DTNA: variants seen among roughly 807,000 people sequenced by gnomAD.
DTNA encodes the protein dystrobrevin alpha.
Under a neutral mutation model 100.7 loss-of-function variants are expected in DTNA, and 43 were observed. The ratio of observed to expected loss-of-function variants is 0.43; its 90% CI spans 0.33 to 0.55. DTNA has a LOEUF of 0.55. Among genes scored for constraint, DTNA ranks in the 20% least tolerant of loss-of-function variants. The pLI, the probability that DTNA is intolerant of heterozygous loss-of-function variation, is 0.04. For synonymous variants in DTNA, 349 were observed against 347.9 expected (o/e 1.00, Z -0.04); for missense variants, 798 against 953.9 (o/e 0.84, Z 2.15).
intron 1 of DTNA, among the ~76,000 whole-genome samples, chr18:34,751,449 A>G (rs903666886): frequency 6.6e-6 from 1 of 151,168 alleles, no homozygotes; most frequent in African/African-American, 2.4e-5. Flanking sequence ...GATGGCATCT[A>G]GCGTCGATTG....
At chr18:34,584,530 C>T (rs2048937082) in intron 1 of DTNA, among the ~76,000 whole-genome samples, 1 of 152,068 alleles carries the variant, frequency 6.6e-6, no homozygotes, top group Non-Finnish European at 1.5e-5. Context: ...AGATGAGAGA[C>T]TCTTCTAGAG....
intron 1 of DTNA, among the ~76,000 whole-genome samples, chr18:34,731,489 A>G (rs1213995981): frequency 6.6e-6 from 1 of 152,130 alleles, no homozygotes; most frequent in Non-Finnish European, 1.5e-5. Context: ...CCGTCTCAAA[A>G]AAAAAAAAAA....
In DTNA at chr18:34,889,136, T is replaced by TAA. The variant is rs35125248; in HGVS notation, c.*1407_*1408dup. 2.0e-6 allele frequency: 2 copies of TAA among 985,160 alleles called. No homozygotes were observed. The highest frequency in any genetic ancestry group is 1.7e-5 in the African/African-American group (1 of 57,152). The allele number at this position is 985,160 out of a possible 1,614,324, so 61.0% of individuals were successfully genotyped here. ...TACTTGCTTCAAGATTTGATTTTTTTAAAAAAGCCTGCGACCTATTCAATA... is the reference window on the plus strand; with the variant it reads ...TACTTGCTTCAAGATTTGATTTTTTTAAAAAAAAGCCTGCGACCTATTCAATA... On this transcript the variant is annotated 3_prime_UTR_variant, in exon 23 of 23. Transcript: ENST00000444659.
chr18:34,776,165 A>G (rs1214847664), intron 3 of DTNA, among the ~76,000 whole-genome samples: 1 of 152,198 alleles, frequency 6.6e-6, no homozygotes, highest in African/African-American at 2.4e-5. Flanking sequence ...TCCCTTATCA[A>G]GTTCCAAGTC....
intron 9 of DTNA, among the ~76,000 whole-genome samples, chr18:34,827,343 C>T (rs1420109438): frequency 6.6e-6 from 1 of 152,182 alleles, no homozygotes; most frequent in Non-Finnish European, 1.5e-5. Flanking sequence ...AGGCTCAAAG[C>T]TCATGCATCA....
chr18:34,631,060 G>T (rs2058021452), intron 1 of DTNA, among the ~76,000 whole-genome samples: 1 of 152,120 alleles, frequency 6.6e-6, no homozygotes, highest in South Asian at 2.1e-4. Context: ...AAATGAAAAT[G>T]ATTTAAACAA....
At chr18:34,830,051 G>C (rs1236828453) in intron 11 of DTNA, among the ~76,000 whole-genome samples, 1 of 152,114 alleles carries the variant, frequency 6.6e-6, no homozygotes, top group African/African-American at 2.4e-5. Flanking sequence ...TGATAATGCT[G>C]GTGGTGAATC....
intron 1 of DTNA, among the ~76,000 whole-genome samples, chr18:34,518,101 A>T (rs936026853): frequency 6.6e-6 from 1 of 152,156 alleles, no homozygotes; most frequent in Non-Finnish European, 1.5e-5. Flanking sequence ...TAATGTTAAC[A>T]CTATGTTTTA....
intron 1 of DTNA, among the ~76,000 whole-genome samples, chr18:34,685,654 G>T (rs1363391833): frequency 6.6e-6 from 1 of 152,148 alleles, no homozygotes; most frequent in Non-Finnish European, 1.5e-5. Flanking sequence ...ACTGAAAGTA[G>T]TTTTTTCTAA....
chr18:34,778,672 A>G (rs1760314250), intron 3 of DTNA, among the ~76,000 whole-genome samples: 1 of 152,228 alleles, frequency 6.6e-6, no homozygotes, highest in African/African-American at 2.4e-5. Flanking sequence ...ATAGACTAAA[A>G]TGGCTAAAAG....
intron 1 of DTNA, among the ~76,000 whole-genome samples, chr18:34,697,328 A>G (rs55971592): frequency 0.082 from 12,467 of 152,240 alleles, 679 homozygotes; most frequent in Non-Finnish European, 0.12. Flanking sequence ...TCCTCAAGCC[A>G]ACTCCTGTGA....
chr18:34,746,141 G>A (rs1422522861), intron 1 of DTNA, among the ~76,000 whole-genome samples: 1 of 149,594 alleles, frequency 6.7e-6, no homozygotes, highest in Non-Finnish European at 1.5e-5. Context: ...AAAATTCAAG[G>A]TTGTCTTATT....
chr18:34,626,449 T>TAAA (rs200011734), intron 1 of DTNA, among the ~76,000 whole-genome samples: 11 of 147,488 alleles, frequency 7.5e-5, no homozygotes, highest in Non-Finnish European at 1.2e-4. Flanking sequence ...GTCCTGAAGT[T>TAAA]AAAAAAAAAA....
At chr18:34,662,123 G>A (rs966410232) in intron 1 of DTNA, among the ~76,000 whole-genome samples, 7 of 148,412 alleles carry the variant, frequency 4.7e-5, no homozygotes, top group Non-Finnish European at 1.0e-4. Flanking sequence ...TTGTTGTTAA[G>A]AACCGGTTGT....
At chr18:34,727,120 G>T (rs2086889453) in intron 1 of DTNA, among the ~76,000 whole-genome samples, 1 of 152,186 alleles carries the variant, frequency 6.6e-6, no homozygotes, top group Admixed American at 6.5e-5. Flanking sequence ...TTAAGCAAAG[G>T]CTGGAGCCCT....
chr18:34,822,432 C>A (rs1465643625), intron 9 of DTNA: 1 of 152,242 alleles, frequency 6.6e-6, no homozygotes, highest in African/African-American at 2.4e-5. Flanking sequence ...AAGAGAGCAG[C>A]CTTCAACAGA....
chr18:34,676,681 A>G lies in DTNA; in HGVS notation c.-1-79295A>G, dbSNP rs141757384. Among the ~76,000 whole-genome samples, 457 of 152,254 alleles carry G rather than the reference A, an allele frequency of 3.0e-3. 2 individuals are homozygous for G. The highest frequency in any genetic ancestry group is 0.01 in the African/African-American group (428 of 41,558). On this transcript the variant is annotated intron_variant, in intron 1 of 19. Transcript: ENST00000283365. Reference sequence around the variant, plus strand: ...AAAATCTCATCTCTACAAAACATACAAAAATTAGCTGAGCGTGGTGCTGAG... The same window carrying G: ...AAAATCTCATCTCTACAAAACATACGAAAATTAGCTGAGCGTGGTGCTGAG...
chr18:34,573,449 A>G (rs1382092830), intron 1 of DTNA, among the ~76,000 whole-genome samples: 1 of 152,188 alleles, frequency 6.6e-6, no homozygotes, highest in Admixed American at 6.5e-5. Context: ...ATTAGTCTCA[A>G]TAGGCACCTG....
At chr18:34,527,123 C>G (rs1568592368) in intron 1 of DTNA, among the ~76,000 whole-genome samples, 1 of 151,960 alleles carries the variant, frequency 6.6e-6, no homozygotes, top group African/African-American at 2.4e-5. Context: ...CTTAAACCTC[C>G]TTTACCTCAT....
Sources: allele counts gnomAD v4.1 joint callset (sites outside exome capture counted in the v4.1 genomes callset), GRCh38; gene constraint gnomAD v4.1.1; transcripts MANE v1.5; gene names NCBI Gene and HGNC (gene_info 2026-07-23, HGNC 2026-07-21).